Variants in DOCK1 observed in about 807,000 individuals in gnomAD.
DOCK1 encodes the protein dedicator of cytokinesis 1, also known as dedicator of cytokinesis protein 1.
A neutral mutation model predicts 262.7 loss-of-function variants in DOCK1; 138 were observed. The ratio of observed to expected loss-of-function variants is 0.53; its 90% CI spans 0.46 to 0.61. The LOEUF (loss-of-function observed/expected upper bound fraction) is 0.61. DOCK1 is among the 20% of genes least tolerant of loss of function. The pLI, the probability that DOCK1 is intolerant of heterozygous loss-of-function variation, is 0.00. For synonymous variants in DOCK1, 866 were observed against 867.4 expected, an observed-to-expected ratio of 1.00 and a Z score of 0.03; for missense variants, 1,908 against 2,370.7, an observed-to-expected ratio of 0.80 and a Z score of 4.05.
chr10:126,956,033 G>A (rs2036709114), intron 1 of DOCK1, among the ~76,000 whole-genome samples: 1 of 152,132 alleles, frequency 6.6e-6, no homozygotes, highest in Non-Finnish European at 1.5e-5. Flanking sequence ...CTCCTCCAAG[G>A]CTGTGCTGGG....
intron 1 of DOCK1, among the ~76,000 whole-genome samples, chr10:126,951,040 A>G (rs2036174145): frequency 6.6e-6 from 1 of 151,212 alleles, no homozygotes; most frequent in Non-Finnish European, 1.5e-5. Context: ...TGGTAGTAGT[A>G]GTATTGGTGA....
chr10:127,095,802 A>G (rs775906723), intron 23 of DOCK1, among the ~76,000 whole-genome samples: 2 of 152,238 alleles, frequency 1.3e-5, no homozygotes, highest in Admixed American at 1.3e-4. Context: ...CATCATCGAT[A>G]TGCTTCAAGG....
intron 27 of DOCK1, among the ~76,000 whole-genome samples, chr10:127,156,231 A>G (rs1158387625): frequency 2.0e-5 from 3 of 152,166 alleles, no homozygotes; most frequent in Non-Finnish European, 4.4e-5. Context: ...TAGAGCCCTG[A>G]GCCTTCTAAT....
intron 25 of DOCK1, among the ~76,000 whole-genome samples, chr10:127,121,562 C>A (rs1194438158): frequency 1.3e-5 from 2 of 151,604 alleles, no homozygotes; most frequent in African/African-American, 4.8e-5. Context: ...AGACAAAATT[C>A]AAGAGTCTTA....
chr10:127,247,165 G>T (rs1238542157), intron 27 of DOCK1, among the ~76,000 whole-genome samples: 1 of 152,170 alleles, frequency 6.6e-6, no homozygotes, highest in Non-Finnish European at 1.5e-5. Flanking sequence ...ACACATACTG[G>T]CTGCCTCCAT....
chr10:127,273,065 C>A (rs1472824445), intron 29 of DOCK1, among the ~76,000 whole-genome samples: 1 of 152,206 alleles, frequency 6.6e-6, no homozygotes, highest in Admixed American at 6.5e-5. Context: ...ACCATATCAA[C>A]CACCTTTCCT....
chr10:127,318,185 C>T (rs2062366035), intron 29 of DOCK1, among the ~76,000 whole-genome samples: 1 of 152,148 alleles, frequency 6.6e-6, no homozygotes, highest in Non-Finnish European at 1.5e-5. Flanking sequence ...TTCATTCTTT[C>T]CCTATTCGGT....
At chr10:127,257,733 G>A (rs188801266) in intron 29 of DOCK1, 27 of 238,214 alleles carry the variant, frequency 1.1e-4, no homozygotes, top group African/African-American at 4.1e-4. Flanking sequence ...GTCGCTCTGC[G>A]CTCTCATGTT....
At chr10:127,350,414 G>T (rs563782274) in intron 31 of DOCK1, among the ~76,000 whole-genome samples, 59 of 151,976 alleles carry the variant, frequency 3.9e-4, no homozygotes, top group Non-Finnish European at 7.2e-4. Flanking sequence ...GCGCCTGCTG[G>T]TCCTCCTGCC....
At chr10:127,415,494 T>G (rs2134436583) in intron 44 of DOCK1, among the ~76,000 whole-genome samples, 1 of 152,372 alleles carries the variant, frequency 6.6e-6, no homozygotes, top group Admixed American at 6.5e-5. Context: ...CATTTCTTCT[T>G]ACAATGTATT....
intron 33 of DOCK1, among the ~76,000 whole-genome samples, chr10:127,364,870 CT>C (rs1160600243): frequency 6.6e-6 from 1 of 151,720 alleles, no homozygotes; most frequent in Non-Finnish European, 1.5e-5. Flanking sequence ...CGTTCTCTCT[CT>C]TTTTTTCCAT....
intron 23 of DOCK1, among the ~76,000 whole-genome samples, chr10:127,103,085 C>T (rs951326712): frequency 1.3e-5 from 2 of 152,150 alleles, no homozygotes; most frequent in African/African-American, 4.8e-5. Flanking sequence ...TTTTATTTAT[C>T]ACTGTGTCGT....
intron 27 of DOCK1, among the ~76,000 whole-genome samples, chr10:127,167,227 A>G (rs929614154): frequency 3.3e-5 from 5 of 152,186 alleles, no homozygotes; most frequent in Admixed American, 2.0e-4. Context: ...TGTGCTTCCC[A>G]TTTCAAAATT....
intron 1 of DOCK1, among the ~76,000 whole-genome samples, chr10:126,951,478 A>G (rs2036236660): frequency 6.6e-6 from 1 of 150,606 alleles, no homozygotes; most frequent in South Asian, 2.1e-4. Flanking sequence ...TAGTATTCGT[A>G]GTATTGTTGG....
intron 38 of DOCK1, among the ~76,000 whole-genome samples, chr10:127,397,555 G>C (rs1260367612): frequency 6.7e-6 from 1 of 148,512 alleles, no homozygotes; most frequent in East Asian, 2.1e-4. Context: ...ATCTGAGCAT[G>C]AGTTACATGG....
chr10:126,964,015 C>G (rs1457005746), intron 1 of DOCK1, among the ~76,000 whole-genome samples: 2 of 152,116 alleles, frequency 1.3e-5, no homozygotes, highest in Non-Finnish European at 2.9e-5. Flanking sequence ...CCATCTAAAG[C>G]TGCCTGATGA....
At chr10:127,177,758 A>G (rs2055314168) in intron 27 of DOCK1, among the ~76,000 whole-genome samples, 1 of 152,268 alleles carries the variant, frequency 6.6e-6, no homozygotes. Context: ...CATGCGCAGC[A>G]TGGCCACTGC....
chr10:126,913,922 G>A (rs1403920649), intron 1 of DOCK1, among the ~76,000 whole-genome samples: 1 of 152,220 alleles, frequency 6.6e-6, no homozygotes, highest in African/African-American at 2.4e-5. Context: ...TTTCTCCTTT[G>A]TAAAACTGGT....
intron 27 of DOCK1, among the ~76,000 whole-genome samples, chr10:127,177,588 A>G (rs1325770806): frequency 1.3e-5 from 2 of 152,224 alleles, no homozygotes; most frequent in Non-Finnish European, 2.9e-5. Context: ...CCAGAGAGGC[A>G]AGGTCATGGA....
Sources: gnomAD v4.1 joint callset for allele counts (sites outside exome capture counted in the v4.1 genomes callset) on GRCh38, gnomAD v4.1.1 for gene constraint, MANE v1.5 for transcripts, NCBI Gene and HGNC (gene_info 2026-07-23, HGNC 2026-07-21) for gene names.